Variants in SAMD5 observed in about 807,000 individuals in gnomAD.
SAMD5 encodes the protein sterile alpha motif domain-containing protein 5.
A neutral mutation model predicts 11.3 loss-of-function variants in SAMD5; 13 were observed. The observed-to-expected ratio is 1.15, with a 90% confidence interval of 0.75 to 1.83. The LOEUF is 1.83. Among genes scored for constraint, SAMD5 ranks in the 40% most tolerant of loss-of-function variants. The probability of loss-of-function intolerance (pLI) is 0.00; values close to 1 mark genes in which losing one functional copy is unlikely to be tolerated. For synonymous variants in SAMD5, 129 were observed against 111.3 expected (o/e 1.16, Z -1.00); for missense variants, 255 against 239.1 (o/e 1.07, Z -0.44).
At chr6:147,869,574 G>A in the SAMD5 span, among the ~76,000 whole-genome samples, 2 of 152,154 alleles carry the variant, frequency 1.3e-5, no homozygotes, top group African/African-American at 4.8e-5. Context: ...CAGAAATCCA[G>A]TGCAAGCCAC....
the SAMD5 span, among the ~76,000 whole-genome samples, chr6:147,890,627 G>A: frequency 1.3e-5 from 2 of 152,016 alleles, no homozygotes; most frequent in African/African-American, 4.8e-5. Flanking sequence ...TCAAAGTGCT[G>A]GGATTACAGG....
At position 147,646,008 on chromosome 6, in the gene SAMD5, GTCTATGTATCTATCTATGTATCTATCTA is replaced by G. The variant is rs779985248; in HGVS notation, c.163-91303_163-91276del. The stretch of plus-strand genomic sequence containing the variant: ...TCTCTATTTCTATATCTGTCTGTCT[GTCTATGTATCTATCTATGTATCTATCTA>G]TCTATCTATCTATCTATCTATCTAT... On this transcript the variant is annotated intron_variant, in intron 1 of 1. Coordinates refer to the SAMD5 transcript ENST00000566741. Among the ~76,000 whole-genome samples the G allele has an allele frequency of 8.1e-3, 1,180 of 145,040 alleles. 11 individuals carry two copies. Among genetic ancestry groups the G allele is most frequent in the East Asian group, 0.028 (141 of 4,956 alleles).
At chr6:147,871,840 C>T in the SAMD5 span, among the ~76,000 whole-genome samples, 18 of 152,242 alleles carry the variant, frequency 1.2e-4, no homozygotes, top group Admixed American at 4.6e-4. Flanking sequence ...ATTCCTGCTA[C>T]GTTCTAAATT....
intron 1 of SAMD5, chr6:147,737,252 C>T (rs766093421): frequency 6.0e-6 from 6 of 1,005,320 alleles, no homozygotes; most frequent in Non-Finnish European, 7.7e-6. Flanking sequence ...CTTCACCGTG[C>T]TTTTTCACTA....
chr6:147,622,663 C>T (rs891342268), intron 1 of SAMD5, among the ~76,000 whole-genome samples: 23 of 152,158 alleles, frequency 1.5e-4, no homozygotes, highest in African/African-American at 5.3e-4. Context: ...CTTTCTCAGG[C>T]CATGCGACAG....
At chr6:147,826,658 A>G in the SAMD5 span, among the ~76,000 whole-genome samples, 3 of 152,178 alleles carry the variant, frequency 2.0e-5, no homozygotes, top group African/African-American at 7.2e-5. Flanking sequence ...AAAGTTGACA[A>G]TTCTTAAAGT....
the SAMD5 span, among the ~76,000 whole-genome samples, chr6:147,798,241 G>A: frequency 6.7e-6 from 1 of 148,804 alleles, no homozygotes; most frequent in Non-Finnish European, 1.5e-5. Context: ...TGCTTTGAAT[G>A]TGTCCCAGAG....
At chr6:147,812,294 C>T in the SAMD5 span, among the ~76,000 whole-genome samples, 127 of 152,132 alleles carry the variant, frequency 8.3e-4, no homozygotes, top group Non-Finnish European at 1.5e-3. Flanking sequence ...GGAAGAGGCT[C>T]GGCAAATTCA....
At chr6:147,536,468 T>C (rs186190991) in intron 1 of SAMD5, among the ~76,000 whole-genome samples, 3 of 152,232 alleles carry the variant, frequency 2.0e-5, no homozygotes, top group Non-Finnish European at 4.4e-5. Context: ...TAAGTTTTTT[T>C]GACTTAGAAA....
At chr6:147,525,603 C>T (rs780755183) in intron 1 of SAMD5, among the ~76,000 whole-genome samples, 2 of 151,672 alleles carry the variant, frequency 1.3e-5, no homozygotes, top group Non-Finnish European at 2.9e-5. Context: ...ATGGAAAGGC[C>T]GAATTTAAAT....
the SAMD5 span, among the ~76,000 whole-genome samples, chr6:147,751,430 G>T: frequency 6.6e-6 from 1 of 152,036 alleles, no homozygotes; most frequent in Non-Finnish European, 1.5e-5. Context: ...TCAGCACCTT[G>T]AACAGTTCCT....
At chr6:147,818,026 T>A in the SAMD5 span, among the ~76,000 whole-genome samples, 1 of 152,188 alleles carries the variant, frequency 6.6e-6, no homozygotes, top group Non-Finnish European at 1.5e-5. Flanking sequence ...GGTAGCTTAC[T>A]TTTTTTGGAA....
the SAMD5 span, among the ~76,000 whole-genome samples, chr6:147,915,076 G>A: frequency 0.58 from 88,474 of 151,972 alleles, 26,439 homozygotes; most frequent in African/African-American, 0.72. Context: ...AAGAAATGCC[G>A]AAAAGGACAT....
At chr6:147,512,173 A>G (rs623003) in intron 1 of SAMD5, among the ~76,000 whole-genome samples, 72,021 of 152,010 alleles carry the variant, frequency 0.47, 19,822 homozygotes, top group African/African-American at 0.77. Context: ...GGCCAGGCTC[A>G]TCTCGAACTC....
At chr6:147,551,615 C>T (rs1464404623) in intron 1 of SAMD5, among the ~76,000 whole-genome samples, 2 of 151,646 alleles carry the variant, frequency 1.3e-5, no homozygotes, top group African/African-American at 2.4e-5. Context: ...TATTTAACTT[C>T]CATGATGTGT....
intron 1 of SAMD5, among the ~76,000 whole-genome samples, chr6:147,517,728 G>A (rs148183288): frequency 8.0e-4 from 122 of 152,254 alleles, no homozygotes; most frequent in African/African-American, 2.7e-3. Context: ...TATCTTCAGT[G>A]GTGGCAAGCC....
rs142329621 is a variant in SAMD5 at position 147,582,637 on chromosome 6, G to C, written c.162+73250G>C. Among the ~76,000 whole-genome samples the C allele has an allele frequency of 4.9e-3, 739 of 152,348 alleles. 3 individuals are homozygous for C. Among genetic ancestry groups the C allele is most frequent in the Middle Eastern group, 0.014 (4 of 294 alleles). The stretch of plus-strand genomic sequence containing the variant: ...CAGCGGTCAGTTTTGAAGCTCTAAA[G>C]TGAAGCGGAGCTTTAGGTATTTCCC... On this transcript the variant is annotated intron_variant, in intron 1 of 1. Coordinates refer to the SAMD5 transcript ENST00000566741.
the SAMD5 span, among the ~76,000 whole-genome samples, chr6:147,887,468 A>G: frequency 6.6e-6 from 1 of 152,198 alleles, no homozygotes; most frequent in East Asian, 1.9e-4. Context: ...AGTGAGATCC[A>G]TCTCACATTG....
At chr6:147,519,039 C>T (rs1176016278) in intron 1 of SAMD5, among the ~76,000 whole-genome samples, 1 of 152,180 alleles carries the variant, frequency 6.6e-6, no homozygotes, top group African/African-American at 2.4e-5. Flanking sequence ...TGGTCTGATG[C>T]TCTCTAAAAT....
Sources: gnomAD v4.1 joint callset for allele counts (sites outside exome capture counted in the v4.1 genomes callset) on GRCh38, gnomAD v4.1.1 for gene constraint, MANE v1.5 for transcripts, NCBI Gene and HGNC (gene_info 2026-07-23, HGNC 2026-07-21) for gene names.